Variants in MMP12 observed in about 807,000 individuals in gnomAD.
MMP12 encodes matrix metallopeptidase 12, also known as macrophage metalloelastase.
Under a neutral mutation model 45.2 loss-of-function variants are expected in MMP12, and 51 were observed. That is an observed-to-expected ratio of 1.13 (90% CI 0.90 to 1.42). The LOEUF is 1.42. Among genes scored for constraint, MMP12 ranks in the 40% most tolerant of loss-of-function variants. The probability of loss-of-function intolerance (pLI) is 0.00; values close to 1 mark genes in which losing one functional copy is unlikely to be tolerated. For missense variants in MMP12, 530 were observed against 570.8 expected, an observed-to-expected ratio of 0.93 and a Z score of 0.73; for synonymous variants, 210 against 193.3, an observed-to-expected ratio of 1.09 and a Z score of -0.72.
chr11:102,871,768 A>T, intron 3 of MMP12, 36 bp downstream of exon 3: 1 of 1,612,984 alleles, frequency 6.2e-7, no homozygotes. Flanking sequence ...CCTATAGATC[A>T]TGCCAAATGA....
chr11:102,871,533 T>C, intron 4 of MMP12, 61 bp downstream of exon 4: 4 of 1,533,952 alleles, frequency 2.6e-6, no homozygotes, highest in Non-Finnish European at 2.6e-6. Context: ...GTTAGGGTTT[T>C]TGTTGTTTTC....
intron 4 of MMP12, 33 bp downstream of exon 4, chr11:102,871,561 T>C (rs1316443676): frequency 1.3e-6 from 2 of 1,547,968 alleles, no homozygotes; most frequent in Non-Finnish European, 1.7e-6. Context: ...GTTTGCTTAG[T>C]TTTTTGTTTG....
intron 5 of MMP12, 90 bp from the exon 6 acceptor site, chr11:102,867,483 T>A: frequency 2.5e-6 from 3 of 1,203,570 alleles, no homozygotes; most frequent in Non-Finnish European, 2.3e-6. Flanking sequence ...TCAATTTTCT[T>A]AATGAACATT....
At chr11:102,867,420 G>A (rs375436228) in intron 5 of MMP12, 27 bp from the exon 6 acceptor site, 1 of 1,588,258 alleles carries the variant, frequency 6.3e-7, no homozygotes, top group Non-Finnish European at 8.5e-7. Flanking sequence ...AGAAGCATTA[G>A]TAAACAAAAT....
Position 102,865,691 on chromosome 11 carries a change from G to T in MMP12, c.1205+85C>A. ...GAAGGTCAAGGAGCTTTGGGAATTTGCGCAGAAAATGTGCCTTCTAGAAAG... is the reference window on the plus strand; with the variant it reads ...GAAGGTCAAGGAGCTTTGGGAATTTTCGCAGAAAATGTGCCTTCTAGAAAG... On this transcript the variant is annotated intron_variant, in intron 8 of 9. Transcript: ENST00000571244. This position sits in a 1 kb window ranked among gnomAD's most constrained non-coding sequence, Gnocchi z 4.1. 8.8e-7 allele frequency: 1 copy of T among 1,130,008 alleles called. No homozygotes were observed. The highest frequency in any genetic ancestry group is 2.8e-5 in the Admixed American group (1 of 36,236). 70.0% of individuals were successfully genotyped at this position (1,130,008 alleles called of 1,614,324 possible).
In MMP12 at chr11:102,864,233, T is replaced by A; in HGVS notation, c.1225A>T (p.Met409Leu). The change falls in exon 9 of 10, where the codon ATG (methionine) becomes TTG (leucine). Residue 409 changes from methionine to leucine, a missense_variant. Met to Leu is a conservative substitution (Grantham distance 15). Transcript: ENST00000571244. Reference protein sequence around the residue: ...QYWRYDERRQMMDPGYPKLIT... With the variant: ...QYWRYDERRQLMDPGYPKLIT... ...AGTTTGGGATAACCAGGGTCCATCA[T>A]CTGTCTCCTTTCATCATACCTGAGC... The A allele has an allele frequency of 6.2e-7, 1 of 1,613,536 alleles. No homozygotes were observed. Among genetic ancestry groups the A allele is most frequent in the Non-Finnish European group, 8.5e-7 (1 of 1,179,562 alleles).
At chr11:102,868,274 C>T (rs1295165353) in intron 4 of MMP12, among the ~76,000 whole-genome samples, 1 of 152,156 alleles carries the variant, frequency 6.6e-6, no homozygotes, top group Non-Finnish European at 1.5e-5. Flanking sequence ...GTTTAGAAAT[C>T]TCAGGTTTTA....
intron 7 of MMP12, 63 bp downstream of exon 7, chr11:102,866,252 C>T (rs1859384687): frequency 3.5e-6 from 5 of 1,437,088 alleles, no homozygotes; most frequent in African/African-American, 1.4e-5. Flanking sequence ...AAGTAGTAGT[C>T]TCTTCTCAAT....
chr11:102,872,484 G>A (rs1859517577), intron 2 of MMP12, among the ~76,000 whole-genome samples: 1 of 152,064 alleles, frequency 6.6e-6, no homozygotes, highest in African/African-American at 2.4e-5. Context: ...GGGACTACAG[G>A]TGCGCGCCAC....
intron 4 of MMP12, 147 bp from the exon 5 acceptor site, chr11:102,868,216 T>A (rs1480549366): frequency 1.4e-6 from 1 of 708,290 alleles, no homozygotes; most frequent in Non-Finnish European, 2.3e-6. Context: ...ATCTCAGCAC[T>A]TCTGACATTA....
In MMP12 at chr11:102,867,331, G is replaced by A. The variant is rs1555008706; in HGVS notation, c.850C>T (p.Pro284Ser). The A allele has an allele frequency of 6.2e-7, 1 of 1,610,750 alleles. No individual in the cohort carries two copies. Among genetic ancestry groups the A allele is most frequent in the Non-Finnish European group, 8.5e-7 (1 of 1,178,390 alleles). The change falls in exon 6 of 10, where the codon CCC becomes TCC. Residue 284 changes from proline to serine, a missense_variant. By Grantham distance (74) the Pro-to-Ser change is moderately conservative (BLOSUM62 -1). Coordinates refer to ENST00000571244, the MANE Select transcript of MMP12 (RefSeq NM_002426.6). ...PDNSEPALCD[P>S]NLSFDAVTTV... ...GTGACAGCATCAAAACTCAAATTGG[G>A]GTCACAGAGAGCTGGTTCTGAATTG...
chr11:102,874,905 G>A lies in MMP12; in HGVS notation c.33C>T (p.Ala11=), dbSNP rs2134426431. The change falls in exon 1 of 10, where the codon GCC becomes GCT. Residue 11 remains alanine (A), a synonymous_variant. Coordinates refer to ENST00000571244, the MANE Select transcript of MMP12 (RefSeq NM_002426.6). ...TCAGGGGAAGAGCTCCAGAAGCAGT[G>A]GCCTGCAGGAGCAGTATTAGAAGAA... MKFLLILLLQ[A]TASGALPLNS... 2 of 1,604,500 alleles carry A rather than the reference G, an allele frequency of 1.2e-6. No homozygotes were observed. The highest frequency in any genetic ancestry group is 2.2e-5 in the East Asian group (1 of 44,662).
chr11:102,867,408 C>T lies in MMP12; in HGVS notation c.788-15G>A, dbSNP rs201788247. The T allele has an allele frequency of 2.5e-5, 40 of 1,595,808 alleles. No homozygotes were observed. Among genetic ancestry groups the T allele is most frequent in the Admixed American group, 7.2e-5 (4 of 55,936 alleles). On this transcript the variant is annotated splice_polypyrimidine_tract_variant and intron_variant, in intron 5 of 9. Transcript: ENST00000571244. Reference sequence around the variant, plus strand: ...TTTTGGGTCTCCTGAAAATACATTTCGAGAAGCATTAGTAAACAAAATCTG... The same window carrying T: ...TTTTGGGTCTCCTGAAAATACATTTTGAGAAGCATTAGTAAACAAAATCTG...
At chr11:102,864,896 T>A (rs1259388468) in intron 8 of MMP12, among the ~76,000 whole-genome samples, 1 of 152,208 alleles carries the variant, frequency 6.6e-6, no homozygotes, top group Non-Finnish European at 1.5e-5. Flanking sequence ...CAATGGCCTT[T>A]CAGGGAAAAA....
intron 8 of MMP12, among the ~76,000 whole-genome samples, chr11:102,864,736 T>C (rs1420746930): frequency 1.1e-4 from 17 of 152,250 alleles, no homozygotes; most frequent in African/African-American, 3.9e-4. Context: ...TGTATGGTCA[T>C]ATCCTGGTTT....
chr11:102,873,701 G>T (rs28360359), intron 1 of MMP12, among the ~76,000 whole-genome samples: 219 of 152,146 alleles, frequency 1.4e-3, no homozygotes, highest in African/African-American at 5.1e-3. Context: ...TTTTTAAAAC[G>T]TCATTTATTC....
At chr11:102,864,946 T>G (rs1431374340) in intron 8 of MMP12, among the ~76,000 whole-genome samples, 1 of 152,210 alleles carries the variant, frequency 6.6e-6, no homozygotes, top group Admixed American at 6.5e-5. Flanking sequence ...ACAGAAACAC[T>G]GTTCAGAGTT....
At chr11:102,869,817 G>A (rs1859460451) in intron 4 of MMP12, among the ~76,000 whole-genome samples, 5 of 152,184 alleles carry the variant, frequency 3.3e-5, no homozygotes, top group Admixed American at 2.6e-4. Flanking sequence ...TAGTCAGGAG[G>A]CTGAAGTAGG....
Position 102,872,865 on chromosome 11 carries a change from C to G in MMP12, c.350G>C (p.Arg117Thr). The G allele has an allele frequency of 6.2e-7, 1 of 1,613,628 alleles. No homozygotes were observed. The highest frequency in any genetic ancestry group is 8.5e-7 in the Non-Finnish European group (1 of 1,179,802). ...PVWRKHYITY[R>T]INNYTPDMNR... ...ACAGGGCGACATACACCAACGTTAC[C>G]TGTAGGTGATATAATGTTTCCTCCA... The change falls in exon 2 of 10, where the codon AGA (arginine) becomes ACA (threonine). Residue 117 changes from arginine to threonine, a missense_variant and splice_region_variant. By Grantham distance (71) the Arg-to-Thr change is moderately conservative. Coordinates refer to ENST00000571244, the MANE Select transcript of MMP12 (RefSeq NM_002426.6).
Sources: gnomAD v4.1 joint callset for allele counts (sites outside exome capture counted in the v4.1 genomes callset) on GRCh38, gnomAD v4.1.1 for gene constraint, Gnocchi (gnomAD v3.1) non-coding constraint, MANE v1.5 for transcripts, NCBI Gene and HGNC (gene_info 2026-07-23, HGNC 2026-07-21) for gene names.